The following MVB12A variants were observed in gnomAD, a reference collection of about 807,000 sequenced individuals.
MVB12A encodes multivesicular body subunit 12A, also known as CIN85/CD2AP family binding protein.
A neutral mutation model predicts 34.3 loss-of-function variants in MVB12A; 30 were observed. The ratio of observed to expected loss-of-function variants is 0.88; its 90% CI spans 0.65 to 1.19. The LOEUF (loss-of-function observed/expected upper bound fraction) is 1.19, where lower values mean the gene tolerates loss of function less well. Among genes scored for constraint, MVB12A ranks in the 50% most tolerant of loss-of-function variants. MVB12A has a pLI of 0.00. For synonymous variants in MVB12A, 158 were observed against 158.9 expected (o/e 0.99, Z 0.04); for missense variants, 355 against 369.2 (o/e 0.96, Z 0.31).
chr19:17,413,574 A>C (rs1015655112), intron 2 of MVB12A, among the ~76,000 whole-genome samples: 2 of 151,926 alleles, frequency 1.3e-5, no homozygotes, highest in Non-Finnish European at 2.9e-5. Flanking sequence ...GTGATCTGCC[A>C]CTCAGGAGGC....
intron 3 of MVB12A, among the ~76,000 whole-genome samples, chr19:17,421,372 C>CG (rs1568391253): frequency 6.6e-6 from 1 of 151,604 alleles, no homozygotes; most frequent in African/African-American, 2.4e-5. Context: ...TTAGTAGAGA[C>CG]GGGGTTTCTC....
At chr19:17,424,513 A>C in intron 7 of MVB12A, 108 bp from the exon 8 acceptor site, 2 of 1,140,904 alleles carry the variant, frequency 1.8e-6, no homozygotes, top group Non-Finnish European at 2.6e-6. Flanking sequence ...GGGATGTCCG[A>C]GGGAATATTC....
rs200582296 is a variant in MVB12A at position 17,420,104 on chromosome 19, C to T, written c.-32C>T. On this transcript the variant is annotated 5_prime_UTR_variant, in exon 1 of 9. Coordinates refer to ENST00000317040, the MANE Select transcript of MVB12A (RefSeq NM_138401.4). Reference sequence around the variant, plus strand: ...CGCTCCGAGGTTCGAGGCTGTGCCCCGCGACCCCGCCTTCGGCGCTCGGCT... The same window carrying T: ...CGCTCCGAGGTTCGAGGCTGTGCCCTGCGACCCCGCCTTCGGCGCTCGGCT... The T allele has an allele frequency of 1.5e-6, 2 of 1,318,380 alleles. No homozygotes were observed. The highest frequency in any genetic ancestry group is 1.9e-6 in the Non-Finnish European group (2 of 1,039,136). 81.7% of individuals were successfully genotyped at this position (1,318,380 alleles called of 1,614,324 possible). A position where few individuals can be genotyped will look rare whatever the true frequency, so the allele number is the denominator to read the frequency against.
At chr19:17,424,713 C>G in intron 8 of MVB12A, 36 bp downstream of exon 8, 1 of 1,573,312 alleles carries the variant, frequency 6.4e-7, no homozygotes, top group Non-Finnish European at 8.6e-7. Flanking sequence ...GGGTGCAGGG[C>G]TAGGGAGGAG....
chr19:17,424,445 G>A (rs796982778), intron 7 of MVB12A, among the ~76,000 whole-genome samples, 176 bp from the exon 8 acceptor site: 4 of 152,024 alleles, frequency 2.6e-5, no homozygotes, highest in African/African-American at 9.6e-5. Flanking sequence ...AGCCAGGCGC[G>A]GCTTTAGAGA....
upstream of MVB12A, among the ~76,000 whole-genome samples, chr19:17,418,595 T>C (rs1007632339): frequency 6.6e-5 from 10 of 151,476 alleles, no homozygotes; most frequent in East Asian, 1.2e-3. Flanking sequence ...GGTTTCACCA[T>C]GTTAGGCTGG....
At chr19:17,417,948 G>A, upstream of MVB12A, 1 of 234,114 alleles carries the variant, frequency 4.3e-6, no homozygotes, top group Non-Finnish European at 8.7e-6. Context: ...CCAGGCTGGA[G>A]TGCAGTGGCA....
At position 17,420,519 on chromosome 19, in the gene MVB12A, G is replaced by C; in HGVS notation, c.190-19G>C. 1.2e-6 allele frequency: 2 copies of C among 1,601,768 alleles called. No homozygotes were observed. The highest frequency in any genetic ancestry group is 1.7e-6 in the Non-Finnish European group (2 of 1,168,874). ...CCCCGCTGCTAGCCACCCTCGCCGT[G>C]TCCCCCTTCCACCCCCAGAACCCGC... On this transcript the variant is annotated intron_variant, in intron 2 of 8. Coordinates refer to ENST00000317040, the MANE Select transcript of MVB12A (RefSeq NM_138401.4).
At chr19:17,410,184 C>A (rs1045633948) in intron 2 of MVB12A, among the ~76,000 whole-genome samples, 1 of 151,408 alleles carries the variant, frequency 6.6e-6, no homozygotes, top group Non-Finnish European at 1.5e-5. Flanking sequence ...TTTTTATTTT[C>A]TTTTGAGACA....
chr19:17,420,028 G>A (rs1289632604), upstream of MVB12A: 3 of 195,498 alleles, frequency 1.5e-5, no homozygotes, highest in African/African-American at 7.7e-5. Flanking sequence ...CCCCCCCCCC[G>A]CATGGCCTTC....
chr19:17,421,145 C>G (rs1436869481), intron 3 of MVB12A: 1 of 453,886 alleles, frequency 2.2e-6, no homozygotes, highest in South Asian at 1.6e-5. Flanking sequence ...TTTTATTTGA[C>G]TCAGGCTATA....
chr19:17,410,529 T>TATATATATATATATACACACACAC, intron 2 of MVB12A, among the ~76,000 whole-genome samples: 2 of 74,474 alleles, frequency 2.7e-5, no homozygotes, highest in African/African-American at 1.3e-4. Context: ...TATATATATA[T>TATATATATATATATACACACACAC]ACACACACAC....
chr19:17,423,407 C>A, intron 4 of MVB12A, 91 bp from the exon 5 acceptor site: 3 of 1,450,786 alleles, frequency 2.1e-6, no homozygotes, highest in Non-Finnish European at 2.8e-6. Flanking sequence ...AGGTCACCTG[C>A]ATGCCCGGGT....
intron 7 of MVB12A, 109 bp from the exon 8 acceptor site, chr19:17,424,512 G>A (rs889007505): frequency 1.4e-5 from 16 of 1,147,002 alleles, no homozygotes; most frequent in Admixed American, 4.3e-5. Flanking sequence ...AGGGATGTCC[G>A]AGGGAATATT....
rs1397877801 is a variant in MVB12A at position 17,420,156 on chromosome 19, A to C, written c.21A>C (p.Thr7=). The part of the protein sequence containing the change: MDPVPG[T]DSAPLAGLAW... Reference sequence around the variant, plus strand: ...GCAGGATGGATCCCGTACCCGGGACAGACTCGGCGCCGCTGGCTGGCCTGG... The same window carrying C: ...GCAGGATGGATCCCGTACCCGGGACCGACTCGGCGCCGCTGGCTGGCCTGG... The change falls in exon 1 of 9, where the codon ACA becomes ACC. Residue 7 remains threonine (T), a synonymous_variant. Transcript: ENST00000317040. 5 of 1,387,464 alleles carry C rather than the reference A, an allele frequency of 3.6e-6. No individual in the cohort carries two copies. 85.9% of individuals were successfully genotyped at this position (1,387,464 alleles called of 1,614,324 possible).
chr19:17,407,536 C>CAG (rs752998214), intron 2 of MVB12A, among the ~76,000 whole-genome samples: 13 of 150,718 alleles, frequency 8.6e-5, no homozygotes, highest in African/African-American at 2.7e-4. Flanking sequence ...GCAGCCGAGG[C>CAG]AGAGAGAGAG....
chr19:17,420,123 C>A lies in MVB12A; in HGVS notation c.-13C>A. The A allele has an allele frequency of 7.5e-7, 1 of 1,331,620 alleles. No homozygotes were observed. The highest frequency in any genetic ancestry group is 9.6e-7 in the Non-Finnish European group (1 of 1,045,452). 82.5% of individuals were successfully genotyped at this position (1,331,620 alleles called of 1,614,324 possible). ...GTGCCCCGCGACCCCGCCTTCGGCG[C>A]TCGGCTCGCAGGATGGATCCCGTAC... On this transcript the variant is annotated 5_prime_UTR_variant, in exon 1 of 9. Transcript: ENST00000317040.
At chr19:17,405,805 T>C (rs896599978) in intron 1 of MVB12A, 21 of 472,928 alleles carry the variant, frequency 4.4e-5, no homozygotes, top group African/African-American at 3.6e-4. Flanking sequence ...TTAAAAGCCC[T>C]TGGGCCCTTC....
At chr19:17,420,971 C>A in intron 3 of MVB12A, 1 of 519,778 alleles carries the variant, frequency 1.9e-6, no homozygotes, top group Non-Finnish European at 3.7e-6. Context: ...GCTTTGCACA[C>A]GCCGCTTCCT....
Sources: gnomAD v4.1 joint callset for allele counts (sites outside exome capture counted in the v4.1 genomes callset) on GRCh38, gnomAD v4.1.1 for gene constraint, MANE v1.5 for transcripts, NCBI Gene and HGNC (gene_info 2026-07-23, HGNC 2026-07-21) for gene names.